The following CNTN5 variants were observed in gnomAD, a reference collection of about 807,000 sequenced individuals.
CNTN5 encodes contactin-5.
Under a neutral mutation model 129.1 loss-of-function variants are expected in CNTN5, and 77 were observed. The ratio of observed to expected loss-of-function variants is 0.60; its 90% CI spans 0.50 to 0.72. CNTN5 has a LOEUF of 0.72. Ranked by LOEUF, CNTN5 falls within the 30% of genes least tolerant of loss-of-function variation. CNTN5 has a pLI of 0.00. For synonymous variants in CNTN5, 509 were observed against 465.6 expected (o/e 1.09, Z -1.20); for missense variants, 1,478 against 1,328.8 (o/e 1.11, Z -1.75).
chr11:99,722,894 T>C (rs1336611446), intron 3 of CNTN5, among the ~76,000 whole-genome samples: 1 of 152,074 alleles, frequency 6.6e-6, no homozygotes, highest in Non-Finnish European at 1.5e-5. Flanking sequence ...ATCCCAGTCG[T>C]GTCATCAATC....
chr11:100,216,635 T>C (rs546485959), intron 15 of CNTN5, among the ~76,000 whole-genome samples: 3 of 151,960 alleles, frequency 2.0e-5, no homozygotes, highest in Non-Finnish European at 2.9e-5. Flanking sequence ...AAATGGGTCT[T>C]GGGTGTTATC....
intron 9 of CNTN5, among the ~76,000 whole-genome samples, chr11:100,038,725 G>A (rs963053817): frequency 5.9e-5 from 9 of 151,834 alleles, no homozygotes; most frequent in African/African-American, 2.2e-4. Context: ...TTATGTAATG[G>A]CCTTCTTTGT....
chr11:99,504,529 CAAAAAAA>C (rs754621021), intron 2 of CNTN5, among the ~76,000 whole-genome samples: 2 of 90,338 alleles, frequency 2.2e-5, no homozygotes, highest in Non-Finnish European at 4.5e-5. Context: ...GACTCCGTCT[CAAAAAAA>C]AAAAAAAAAA....
chr11:99,069,855 A>G (rs1865266562), intron 1 of CNTN5, among the ~76,000 whole-genome samples: 1 of 152,162 alleles, frequency 6.6e-6, no homozygotes, highest in African/African-American at 2.4e-5. Context: ...TGTTCACACC[A>G]GTGCTACTGC....
At chr11:100,003,934 C>T (rs1940036524) in intron 9 of CNTN5, 2 of 152,174 alleles carry the variant, frequency 1.3e-5, no homozygotes, top group African/African-American at 2.4e-5. Context: ...TACCCTCTAC[C>T]TAAAGACCAA....
chr11:99,683,981 G>T (rs906936565), intron 3 of CNTN5, among the ~76,000 whole-genome samples: 3 of 151,616 alleles, frequency 2.0e-5, no homozygotes, highest in African/African-American at 4.8e-5. Context: ...TACTCTTCTA[G>T]CAAATTTCAA....
At chr11:100,189,849 A>C (rs140069215) in intron 13 of CNTN5, among the ~76,000 whole-genome samples, 1 of 152,192 alleles carries the variant, frequency 6.6e-6, no homozygotes, top group Non-Finnish European at 1.5e-5. Flanking sequence ...TTCTAGTTTG[A>C]CTTTTTTTCT....
intron 3 of CNTN5, among the ~76,000 whole-genome samples, chr11:99,787,429 A>G (rs1224072361): frequency 1.3e-5 from 2 of 151,612 alleles, no homozygotes; most frequent in African/African-American, 4.8e-5. Flanking sequence ...TATAAGGTAT[A>G]ATATTAAACT....
At chr11:99,511,639 G>A (rs1344501678) in intron 2 of CNTN5, among the ~76,000 whole-genome samples, 1 of 151,802 alleles carries the variant, frequency 6.6e-6, no homozygotes, top group Non-Finnish European at 1.5e-5. Flanking sequence ...TGTTGACAGT[G>A]GGGTGTTAAA....
intron 2 of CNTN5, among the ~76,000 whole-genome samples, chr11:99,411,065 A>G (rs1591642022): frequency 1.3e-5 from 2 of 152,346 alleles, no homozygotes; most frequent in South Asian, 4.1e-4. Context: ...TTGTTCTATT[A>G]CATTCACAGA....
At chr11:100,169,942 C>A (rs971809122) in intron 13 of CNTN5, among the ~76,000 whole-genome samples, 6 of 151,948 alleles carry the variant, frequency 3.9e-5, no homozygotes, top group African/African-American at 1.2e-4. Context: ...TTCCCTCCAA[C>A]AAGAATATTT....
chr11:99,756,222 A>C (rs915453303), intron 3 of CNTN5, among the ~76,000 whole-genome samples: 3 of 152,110 alleles, frequency 2.0e-5, no homozygotes, highest in African/African-American at 7.2e-5. Flanking sequence ...AGAACAGCAG[A>C]ATAGACCTTG....
intron 16 of CNTN5, among the ~76,000 whole-genome samples, chr11:100,231,341 G>T (rs1283759934): frequency 6.6e-6 from 1 of 152,128 alleles, no homozygotes; most frequent in African/African-American, 2.4e-5. Context: ...AATAAGAAGG[G>T]TCTTATAAAA....
In CNTN5 at chr11:99,730,713, G is replaced by A. The variant is rs78564693; in HGVS notation, c.56-88831G>A. On this transcript the variant is annotated intron_variant, in intron 3 of 24. Coordinates refer to ENST00000524871, the MANE Select transcript of CNTN5 (RefSeq NM_014361.4). ...AACATTTCTACATATTTACGGAAAC[G>A]TGATGATGCATGCATACAATGTATA... 1.5e-3 allele frequency among the ~76,000 whole-genome samples: 224 copies of A among 152,192 alleles called. 4 individuals are homozygous for A. The East Asian group carries it at 0.037, about 25-fold the overall frequency.
intron 8 of CNTN5, among the ~76,000 whole-genome samples, chr11:99,960,954 G>C (rs1950925612): frequency 6.6e-6 from 1 of 152,074 alleles, no homozygotes; most frequent in African/African-American, 2.4e-5. Flanking sequence ...TGTAATCCTA[G>C]CATTTTGGGA....
At chr11:99,867,178 A>G (rs1202143216) in intron 6 of CNTN5, among the ~76,000 whole-genome samples, 2 of 152,224 alleles carry the variant, frequency 1.3e-5, no homozygotes, top group African/African-American at 2.4e-5. Context: ...CTTGCAGTCA[A>G]GATCACTGTT....
intron 8 of CNTN5, among the ~76,000 whole-genome samples, chr11:99,961,999 T>C (rs1333093655): frequency 1.3e-5 from 2 of 152,210 alleles, no homozygotes; most frequent in South Asian, 2.1e-4. Flanking sequence ...TATATACATA[T>C]ACACACACAC....
intron 2 of CNTN5, among the ~76,000 whole-genome samples, chr11:99,499,527 A>G (rs1444584876): frequency 6.6e-6 from 1 of 152,160 alleles, no homozygotes; most frequent in Non-Finnish European, 1.5e-5. Flanking sequence ...GGCCTCCAGA[A>G]CCACGAGAAA....
At position 99,432,429 on chromosome 11, in the gene CNTN5, C is replaced by CCTTTTCTTTCCTTCTCTTTTCTTTT. The variant is rs1555143524; in HGVS notation, c.-71+106958_-71+106959insCTCTTTTCTTTTCTTTTCTTTCCTT. Among the ~76,000 whole-genome samples, 532 of 125,220 alleles carry CCTTTTCTTTCCTTCTCTTTTCTTTT rather than the reference C, an allele frequency of 4.2e-3. 5 individuals are homozygous for CCTTTTCTTTCCTTCTCTTTTCTTTT. Among genetic ancestry groups the CCTTTTCTTTCCTTCTCTTTTCTTTT allele is most frequent in the East Asian group, 0.015 (56 of 3,686 alleles). The allele number at this position is 125,220 out of a possible 152,430, so 82.1% of individuals were successfully genotyped here. A position where few individuals can be genotyped will look rare whatever the true frequency, so the allele number is the denominator to read the frequency against. On this transcript the variant is annotated intron_variant, in intron 2 of 24. Coordinates refer to ENST00000524871, the MANE Select transcript of CNTN5 (RefSeq NM_014361.4). ...GGGCTCTGTTTCTTTCTTTTCTTTTCCTTTTCTTTCCTTTTCTTTTCTTTT... is the reference window on the plus strand; with the variant it reads ...GGGCTCTGTTTCTTTCTTTTCTTTTCCTTTTCTTTCCTTCTCTTTTCTTTTCTTTTCTTTCCTTTTCTTTTCTTTT...
Sources: gnomAD v4.1 joint callset for allele counts (sites outside exome capture counted in the v4.1 genomes callset) on GRCh38, gnomAD v4.1.1 for gene constraint, MANE v1.5 for transcripts, NCBI Gene and HGNC (gene_info 2026-07-23, HGNC 2026-07-21) for gene names.